Variants in SPG7 observed in about 807,000 individuals in gnomAD.
SPG7 encodes mitochondrial inner membrane m-AAA protease component paraplegin.
Under a neutral mutation model 81.9 loss-of-function variants are expected in SPG7, and 103 were observed. That is an observed-to-expected ratio of 1.26 (90% CI 1.07 to 1.48). The LOEUF is 1.48. SPG7 is among the 40% of genes most tolerant of loss of function. The pLI, the probability that SPG7 is intolerant of heterozygous loss-of-function variation, is 0.00. For missense variants in SPG7, 1,241 were observed against 1,087.3 expected, an observed-to-expected ratio of 1.14 and a Z score of -1.99; for synonymous variants, 534 against 444.2, an observed-to-expected ratio of 1.20 and a Z score of -2.54.
intron 6 of SPG7, 96 bp from the exon 7 acceptor site, chr16:89,530,587 G>A: frequency 7.0e-7 from 1 of 1,424,622 alleles, no homozygotes; most frequent in Non-Finnish European, 9.9e-7. Flanking sequence ...GGAGACGTGG[G>A]GTTGGGGCGG....
chr16:89,544,651 T>C lies in SPG7; in HGVS notation c.1328T>C (p.Met443Thr). 6.2e-7 allele frequency: 1 copy of C among 1,614,030 alleles called. No individual in the cohort carries two copies. The highest frequency in any genetic ancestry group is 8.5e-7 in the Non-Finnish European group (1 of 1,179,946). Residue 443 changes from methionine to threonine, a missense_variant, in exon 10 of 17, where the codon ATG becomes ACG. Transcript: ENST00000645818. The stretch of plus-strand genomic sequence containing the variant: ...ACTGTCTGCTCTGTCCCCTCAGGAA[T>C]GGGTACCACAGACCATGTCATCGTC... ...LNQLLVEMDG[M>T]GTTDHVIVLA... is the part of the protein sequence containing the mutation.
chr16:89,537,666 C>A (rs1597644595), intron 9 of SPG7: 4 of 968,946 alleles, frequency 4.1e-6, no homozygotes, highest in East Asian at 1.1e-4. Context: ...AGGCTTGAGT[C>A]ACCATGCCAG....
intron 12 of SPG7, chr16:89,549,205 G>C: frequency 2.2e-6 from 1 of 456,822 alleles, no homozygotes; most frequent in Non-Finnish European, 4.4e-6. Flanking sequence ...AGGACTGAGT[G>C]GGAACCACAA....
At chr16:89,520,056 T>C (rs2058164394) in intron 3 of SPG7, 1 of 152,286 alleles carries the variant, frequency 6.6e-6, no homozygotes, top group Admixed American at 6.5e-5. Context: ...TCAGGAGGCA[T>C]GTGCGTTTCC....
intron 1 of SPG7, chr16:89,509,004 G>C: frequency 2.1e-6 from 1 of 469,766 alleles, no homozygotes; most frequent in South Asian, 1.5e-5. Context: ...GGTTATTGCC[G>C]AGTAGGGGGC....
chr16:89,530,412 A>G (rs771522959), intron 6 of SPG7: 1 of 482,984 alleles, frequency 2.1e-6, no homozygotes, highest in East Asian at 4.1e-5. Flanking sequence ...CCAAAGTGCT[A>G]GGATTACAGG....
At chr16:89,542,059 C>T (rs2058503278) in intron 9 of SPG7, 1 of 152,210 alleles carries the variant, frequency 6.6e-6, no homozygotes, top group Non-Finnish European at 1.5e-5. Context: ...GAGCACGTGC[C>T]CCGCAGGGTG....
intron 9 of SPG7, chr16:89,539,616 G>A (rs369689864): frequency 6.6e-6 from 1 of 152,126 alleles, no homozygotes; most frequent in East Asian, 1.9e-4. Flanking sequence ...ACCCAGGCTG[G>A]AGTGCAGTGG....
intron 9 of SPG7, chr16:89,541,343 C>G (rs1200993138): frequency 2.0e-6 from 2 of 982,368 alleles, no homozygotes; most frequent in African/African-American, 3.5e-5. Context: ...GGAAATGACG[C>G]AAAGTGAGAA....
intron 6 of SPG7, chr16:89,529,852 T>G (rs2152402251): frequency 2.1e-6 from 1 of 474,026 alleles, no homozygotes; most frequent in East Asian, 4.0e-5. Context: ...CTTTTCTTTT[T>G]TTTTGAGACG....
chr16:89,530,222 G>A (rs563270489), intron 6 of SPG7: 113 of 317,874 alleles, frequency 3.6e-4, no homozygotes, highest in African/African-American at 2.1e-3. Context: ...TCAGCTCACT[G>A]CAACCTCTGC....
intron 9 of SPG7, chr16:89,542,362 C>T (rs1036423621): frequency 1.3e-5 from 2 of 152,322 alleles, no homozygotes; most frequent in East Asian, 1.9e-4. Flanking sequence ...TCTTGTTCCT[C>T]GTGTCATAGT....
At chr16:89,530,830 A>T in intron 7 of SPG7, 22 bp downstream of exon 7, 1 of 1,613,556 alleles carries the variant, frequency 6.2e-7, no homozygotes, top group Non-Finnish European at 8.5e-7. Context: ...GTGGGCCGGG[A>T]GGGAGGTGTG....
chr16:89,537,397 A>G (rs1014158186), intron 9 of SPG7: 13 of 1,067,278 alleles, frequency 1.2e-5, no homozygotes, highest in South Asian at 3.3e-5. Context: ...CGCTGACCAC[A>G]CGCGGGAGCT....
rs750617337 is a variant in SPG7, at chr16:89,508,578, A to G, written c.161A>G (p.Glu54Gly). ...MASRPPGDLA[E>G]AGGRALQSLQ... ...AGCAGGCCTCCGGGGGACCTCGCCG[A>G]GGCTGGAGGCCGAGCTCTGCAGGTA... Residue 54 changes from glutamate to glycine, a missense_variant, in exon 1 of 17, where the codon GAG becomes GGG. Glu to Gly is a moderately conservative substitution (Grantham distance 98). Transcript: ENST00000645818. The G allele has an allele frequency of 1.1e-4, 168 of 1,485,128 alleles. No homozygotes were observed. Among genetic ancestry groups the G allele is most frequent in the Non-Finnish European group, 1.4e-4 (158 of 1,123,294 alleles). 92.0% of individuals were successfully genotyped at this position (1,485,128 alleles called of 1,614,324 possible). A position where few individuals can be genotyped will look rare whatever the true frequency, so the allele number is the denominator to read the frequency against.
chr16:89,514,074 G>A (rs2058057724), intron 3 of SPG7, among the ~76,000 whole-genome samples: 2 of 152,150 alleles, frequency 1.3e-5, no homozygotes, highest in Non-Finnish European at 2.9e-5. Context: ...CTCTCGAGGG[G>A]AGGTCATAAC....
At chr16:89,550,161 C>CG (rs1481699559) in intron 12 of SPG7, 3 of 358,362 alleles carry the variant, frequency 8.4e-6, no homozygotes, top group African/African-American at 6.4e-5. Flanking sequence ...CTCAGCTCAC[C>CG]CCCCCGTCAT....
Position 89,530,737 on chromosome 16 carries a change from G to C in SPG7, c.916G>C (p.Val306Leu), listed in dbSNP as rs760832034. 6.2e-7 allele frequency: 1 copy of C among 1,614,216 alleles called. No individual in the cohort carries two copies. The highest frequency in any genetic ancestry group is 1.1e-5 in the South Asian group (1 of 91,084). ...TIVDGKMGKG[V>L]SFKDVAGMHE... ...TGTGGATGGGAAGATGGGGAAAGGA[G>C]TCAGCTTCAAAGACGTGGCAGGAAT... Residue 306 changes from valine to leucine, a missense_variant, in exon 7 of 17, where the codon GTC (valine) becomes CTC (leucine). By Grantham distance (32) the Val-to-Leu change is conservative. Transcript: ENST00000645818.
chr16:89,533,456 A>ACC (rs1255662452), intron 9 of SPG7: 5 of 152,142 alleles, frequency 3.3e-5, no homozygotes, highest in African/African-American at 1.2e-4. Flanking sequence ...CGTGAGCCTT[A>ACC]GCACCCAGGC....
Sources: allele counts gnomAD v4.1 joint callset (sites outside exome capture counted in the v4.1 genomes callset), GRCh38; gene constraint gnomAD v4.1.1; transcripts MANE v1.5; gene names NCBI Gene and HGNC (gene_info 2026-07-23, HGNC 2026-07-21).